The following DCAF6 variants were observed in gnomAD, a reference collection of about 807,000 sequenced individuals.
DCAF6 encodes DDB1- and CUL4-associated factor 6.
Under a neutral mutation model 125.1 loss-of-function variants are expected in DCAF6, and 54 were observed. The observed-to-expected ratio is 0.43, with a 90% CI of 0.35 to 0.54. The LOEUF is 0.54. Among genes scored for constraint, DCAF6 ranks in the 20% least tolerant of loss-of-function variants. The pLI is 0.01. For synonymous variants in DCAF6, 371 were observed against 390.4 expected, an observed-to-expected ratio of 0.95 and a Z score of 0.58; for missense variants, 934 against 1,161.7, an observed-to-expected ratio of 0.80 and a Z score of 2.85.
chr1:168,039,798 A>G lies in DCAF6; in HGVS notation c.1727+1310A>G, dbSNP rs114024286. Among the ~76,000 whole-genome samples the G allele has an allele frequency of 5.0e-3, 752 of 150,504 alleles. 5 individuals carry two copies. The highest frequency in any genetic ancestry group is 0.017 in the African/African-American group (705 of 41,242). ...AATATGTAATGAATTATATGTTGAT[A>G]TGTGATATTACTTTTATTTAAATTC... On this transcript the variant is annotated intron_variant, in intron 13 of 21. Coordinates refer to ENST00000367840, the MANE Select transcript of DCAF6 (RefSeq NM_001198956.2).
chr1:167,947,875 G>C (rs752154814), intron 1 of DCAF6, among the ~76,000 whole-genome samples: 6 of 152,170 alleles, frequency 3.9e-5, no homozygotes, highest in Non-Finnish European at 8.8e-5. Flanking sequence ...GTAAATGTCT[G>C]TTAAGTTCAT....
chr1:167,949,237 G>C (rs1193381315), intron 1 of DCAF6, among the ~76,000 whole-genome samples: 1 of 152,172 alleles, frequency 6.6e-6, no homozygotes, highest in Non-Finnish European at 1.5e-5. Context: ...CATAACAAGT[G>C]TGTAATTCTT....
At chr1:167,974,738 A>G in intron 3 of DCAF6, 92 bp from the exon 4 acceptor site, 1 of 950,820 alleles carries the variant, frequency 1.1e-6, no homozygotes, top group Non-Finnish European at 1.5e-6. Flanking sequence ...GAGAATGTTA[A>G]TGAGAATGTA....
At chr1:168,036,675 G>C (rs1330900873) in intron 12 of DCAF6, among the ~76,000 whole-genome samples, 1 of 152,152 alleles carries the variant, frequency 6.6e-6, no homozygotes, top group Non-Finnish European at 1.5e-5. Flanking sequence ...GGATAGGGCA[G>C]ATGTTTCCTT....
At chr1:167,912,599 AC>A in the DCAF6 span, among the ~76,000 whole-genome samples, 1 of 151,954 alleles carries the variant, frequency 6.6e-6, no homozygotes, top group Admixed American at 6.6e-5. Context: ...GCTGACGTCC[AC>A]CCCACTGGGG....
chr1:168,003,036 A>G (rs1396850620), intron 8 of DCAF6, among the ~76,000 whole-genome samples: 2 of 152,142 alleles, frequency 1.3e-5, no homozygotes, highest in African/African-American at 2.4e-5. Flanking sequence ...GAATTAATCT[A>G]TGAATTATAA....
At chr1:167,911,704 T>A in the DCAF6 span, among the ~76,000 whole-genome samples, 4 of 152,226 alleles carry the variant, frequency 2.6e-5, no homozygotes, top group African/African-American at 9.6e-5. Context: ...CTGCAGGAAG[T>A]AAAAATGCCC....
intron 3 of DCAF6, among the ~76,000 whole-genome samples, chr1:167,972,346 C>T (rs888849507): frequency 2.6e-5 from 4 of 152,142 alleles, no homozygotes; most frequent in African/African-American, 9.7e-5. Flanking sequence ...ATTCTTTGAA[C>T]AATTATTCAT....
At chr1:167,993,640 TCAGGAGACTGAGG>T (rs1481480320) in intron 7 of DCAF6, among the ~76,000 whole-genome samples, 200 bp downstream of exon 7, 1 of 152,080 alleles carries the variant, frequency 6.6e-6, no homozygotes, top group African/African-American at 2.4e-5. Context: ...TCCCAGCTAC[TCAGGAGACTGAGG>T]CAGCAGAATC....
intron 13 of DCAF6, among the ~76,000 whole-genome samples, chr1:168,038,878 TTTTGAG>T: frequency 6.6e-6 from 1 of 152,186 alleles, no homozygotes; most frequent in Non-Finnish European, 1.5e-5. Flanking sequence ...ATGATTTTTG[TTTTGAG>T]TTTTAGAATA....
chr1:167,902,088 G>C, the DCAF6 span: 19 of 1,593,184 alleles, frequency 1.2e-5, no homozygotes, highest in South Asian at 2.1e-4. Context: ...ATCAAACCCT[G>C]ATTCCTTAAA....
the DCAF6 span, among the ~76,000 whole-genome samples, chr1:167,926,310 C>T: frequency 6.6e-6 from 1 of 152,164 alleles, no homozygotes; most frequent in Non-Finnish European, 1.5e-5. Flanking sequence ...TATCTATATT[C>T]AGTTTCTGTT....
At chr1:168,066,489 A>T (rs200434209) in intron 20 of DCAF6, 24 bp downstream of exon 20, 2 of 1,427,344 alleles carry the variant, frequency 1.4e-6, no homozygotes, top group Non-Finnish European at 1.9e-6. Flanking sequence ...TGTACTTACT[A>T]TAGACCATAT....
At chr1:167,998,929 C>T (rs551292820) in intron 7 of DCAF6, among the ~76,000 whole-genome samples, 26 of 152,114 alleles carry the variant, frequency 1.7e-4, no homozygotes, top group African/African-American at 5.8e-4. Context: ...TTTGACCTCC[C>T]ACGAATCACA....
intron 18 of DCAF6, chr1:168,063,960 C>A (rs1184950493): frequency 2.3e-5 from 9 of 398,606 alleles, no homozygotes; most frequent in Admixed American, 5.0e-5. Flanking sequence ...GAAAACTCTA[C>A]TAAAAAAATG....
intron 3 of DCAF6, 85 bp downstream of exon 3, chr1:167,966,806 AT>A: frequency 1.2e-6 from 1 of 810,580 alleles, no homozygotes; most frequent in South Asian, 1.6e-5. Flanking sequence ...CAGTCATAGA[AT>A]GGGCATTTAT....
intron 12 of DCAF6, among the ~76,000 whole-genome samples, chr1:168,033,802 C>T (rs1687452390): frequency 6.6e-6 from 1 of 152,168 alleles, no homozygotes; most frequent in Non-Finnish European, 1.5e-5. Flanking sequence ...CTGCTGATGT[C>T]ATCAGTTGTT....
rs1688988407 is a variant in DCAF6 at position 168,045,002 on chromosome 1, C to T, written c.2033C>T (p.Ser678Leu). Residue 678 changes from serine to leucine, a missense_variant, in exon 16 of 22, where the codon TCA (serine) becomes TTA (leucine). This residue lies in a region of DCAF6 where 559 missense variants were observed against 635.5 expected (regional missense o/e 0.88). Transcript: ENST00000367840. ...TGTGGGGTTCCAGAAGAATCTGCTT[C>T]ATCTGAAAAAGCCAAGGAACCAGAA... is the stretch of plus-strand genomic sequence containing the variant. ...RSCGVPEESA[S>L]SEKAKEPETS... is the part of the protein sequence containing the mutation. The T allele has an allele frequency of 6.2e-7, 1 of 1,614,064 alleles. No homozygotes were observed. The highest frequency in any genetic ancestry group is 1.3e-5 in the African/African-American group (1 of 75,026).
intron 17 of DCAF6, among the ~76,000 whole-genome samples, chr1:168,061,469 T>A (rs966715960): frequency 1.3e-5 from 2 of 152,114 alleles, no homozygotes; most frequent in Non-Finnish European, 2.9e-5. Context: ...TGAATTATTC[T>A]TTAGCCTGTG....
Sources: gnomAD v4.1 joint callset for allele counts (sites outside exome capture counted in the v4.1 genomes callset) on GRCh38, gnomAD v4.1.1 for gene constraint, gnomAD v4.1.1 regional missense constraint, MANE v1.5 for transcripts, NCBI Gene and HGNC (gene_info 2026-07-23, HGNC 2026-07-21) for gene names.